RANBP2: variants seen among roughly 807,000 people sequenced by gnomAD.
The protein encoded by RANBP2 is RAN binding protein 2.
A neutral mutation model predicts 303.6 loss-of-function variants in RANBP2; 57 were observed. That is an observed-to-expected ratio of 0.19 (90% CI 0.15 to 0.23). RANBP2 has a LOEUF of 0.23. Among genes scored for constraint, RANBP2 ranks in the 10% least tolerant of loss-of-function variants. The pLI is 1.00. For missense variants in RANBP2, 3,138 were observed against 3,780.8 expected (o/e 0.83, Z 4.46); for synonymous variants, 1,167 against 1,301.5 (o/e 0.90, Z 2.23).
chr2:109,496,844 C>T, the RANBP2 span, among the ~76,000 whole-genome samples: 1 of 152,192 alleles, frequency 6.6e-6, no homozygotes, highest in African/African-American at 2.4e-5. Flanking sequence ...AAAGAGATTA[C>T]CCGGGATTAT....
At chr2:109,434,175 A>G in the RANBP2 span, among the ~76,000 whole-genome samples, 1 of 152,228 alleles carries the variant, frequency 6.6e-6, no homozygotes, top group Non-Finnish European at 1.5e-5. Context: ...CTCCCTGACC[A>G]GCTGGCACCC....
chr2:109,584,312 CT>C, the RANBP2 span, among the ~76,000 whole-genome samples: 4 of 151,214 alleles, frequency 2.6e-5, no homozygotes, highest in African/African-American at 9.7e-5. Flanking sequence ...CCCGTCTCTA[CT>C]AAAAACACAA....
the RANBP2 span, chr2:109,544,247 C>A: frequency 3.1e-6 from 5 of 1,612,488 alleles, no homozygotes; most frequent in Non-Finnish European, 3.4e-6. Flanking sequence ...AAGCACACTT[C>A]TAGTTTTTTT....
the RANBP2 span, among the ~76,000 whole-genome samples, chr2:109,084,665 G>A: frequency 5.2e-4 from 79 of 152,304 alleles, 1 homozygote; most frequent in South Asian, 7.3e-3. Flanking sequence ...GTCCAGGTTC[G>A]AAGGAGCTGA....
chr2:109,285,929 G>A, the RANBP2 span, among the ~76,000 whole-genome samples: 68 of 152,228 alleles, frequency 4.5e-4, 1 homozygote, highest in African/African-American at 1.6e-3. Flanking sequence ...CCACTCACCC[G>A]GTTTTCCTCT....
the RANBP2 span, among the ~76,000 whole-genome samples, chr2:109,496,880 A>G: frequency 6.6e-6 from 1 of 152,228 alleles, no homozygotes; most frequent in Admixed American, 6.5e-5. Flanking sequence ...GTAATCACAA[A>G]GGGTCCTTAT....
At chr2:109,254,498 C>A in the RANBP2 span, among the ~76,000 whole-genome samples, 332 of 152,314 alleles carry the variant, frequency 2.2e-3, 1 homozygote, top group Middle Eastern at 6.8e-3. Flanking sequence ...CAGCCTCGTT[C>A]AGCTTTGCCT....
the RANBP2 span, among the ~76,000 whole-genome samples, chr2:109,019,793 C>T: frequency 6.6e-6 from 1 of 152,222 alleles, no homozygotes; most frequent in Non-Finnish European, 1.5e-5. Flanking sequence ...ATGCCTTTGG[C>T]TTCTCCTGTC....
At chr2:109,401,482 A>T in the RANBP2 span, among the ~76,000 whole-genome samples, 1 of 145,808 alleles carries the variant, frequency 6.9e-6, no homozygotes, top group African/African-American at 2.4e-5. Flanking sequence ...CCAGCCAGAG[A>T]TGGCCCTGGA....
the RANBP2 span, among the ~76,000 whole-genome samples, chr2:109,293,778 G>T: frequency 4.6e-5 from 7 of 152,232 alleles, no homozygotes; most frequent in Non-Finnish European, 8.8e-5. Context: ...CCCTCTCCCA[G>T]CTGTAGGTGA....
At chr2:109,613,488 G>A in the RANBP2 span, 5 of 249,472 alleles carry the variant, frequency 2.0e-5, no homozygotes, top group East Asian at 2.4e-4. Flanking sequence ...AGCCGTAAGA[G>A]ACCCACAAAC....
chr2:109,389,764 A>T, the RANBP2 span, among the ~76,000 whole-genome samples: 3 of 152,202 alleles, frequency 2.0e-5, no homozygotes, highest in East Asian at 3.8e-4. Context: ...CACATTACAT[A>T]TGTATAATGC....
At chr2:109,093,406 TAAAAAAA>T in the RANBP2 span, among the ~76,000 whole-genome samples, 12 of 90,724 alleles carry the variant, frequency 1.3e-4, no homozygotes, top group African/African-American at 4.9e-4. Context: ...CGGAGATTTG[TAAAAAAA>T]AAAAAAAAAA....
chr2:108,800,638 T>TTTTTTTTTTTTTTA, the RANBP2 span, among the ~76,000 whole-genome samples: 1 of 73,772 alleles, frequency 1.4e-5, no homozygotes, highest in African/African-American at 5.8e-5. Flanking sequence ...TTTTTTTTTT[T>TTTTTTTTTTTTTTA]AATTATACTT....
chr2:109,325,331 CTTTTTTTTTTTTT>C, the RANBP2 span, among the ~76,000 whole-genome samples: 5 of 66,272 alleles, frequency 7.5e-5, no homozygotes, highest in Middle Eastern at 0.012. Context: ...TTCTTTCTTT[CTTTTTTTTTTTTT>C]TTTTTTTTTT....
At chr2:109,615,827 G>A in the RANBP2 span, 2 of 1,614,184 alleles carry the variant, frequency 1.2e-6, no homozygotes, top group East Asian at 2.2e-5. Flanking sequence ...ACTCGGCTGA[G>A]GGGTGGGTCG....
At chr2:109,495,133 C>G in the RANBP2 span, among the ~76,000 whole-genome samples, 1 of 152,220 alleles carries the variant, frequency 6.6e-6, no homozygotes, top group Non-Finnish European at 1.5e-5. Context: ...CTTTAGGTGT[C>G]TGGCATATTC....
the RANBP2 span, among the ~76,000 whole-genome samples, chr2:108,870,052 G>A: frequency 6.6e-6 from 1 of 152,174 alleles, no homozygotes; most frequent in South Asian, 2.1e-4. Context: ...TGAAATCAGG[G>A]AAGTGATACA....
the RANBP2 span, among the ~76,000 whole-genome samples, chr2:108,849,194 A>T: frequency 1.3e-5 from 2 of 152,214 alleles, no homozygotes; most frequent in African/African-American, 4.8e-5. Flanking sequence ...AAAAAAATCT[A>T]CAAAAAAGAA....
Sources: allele counts gnomAD v4.1 joint callset (sites outside exome capture counted in the v4.1 genomes callset), GRCh38; gene constraint gnomAD v4.1.1; transcripts MANE v1.5; gene names NCBI Gene and HGNC (gene_info 2026-07-23, HGNC 2026-07-21).